The following MAGI2 variants were observed in gnomAD, a reference collection of about 807,000 sequenced individuals.
The protein encoded by MAGI2 is membrane-associated guanylate kinase, WW and PDZ domain-containing protein 2.
MAGI2 carries 35 observed loss-of-function variants against 133.3 expected under a neutral mutation model. That is an observed-to-expected ratio of 0.26 (90% confidence interval 0.20 to 0.35). The LOEUF (loss-of-function observed/expected upper bound fraction) is 0.35. Ranked by LOEUF, MAGI2 falls within the 10% of genes least tolerant of loss-of-function variation. The pLI is 1.00. For synonymous variants in MAGI2, 729 were observed against 710.6 expected (o/e 1.03, Z -0.41); for missense variants, 1,636 against 1,863.4 (o/e 0.88, Z 2.25).
At chr7:78,285,527 G>A (rs1295257310) in intron 9 of MAGI2, among the ~76,000 whole-genome samples, 1 of 152,206 alleles carries the variant, frequency 6.6e-6, no homozygotes, top group East Asian at 1.9e-4. Context: ...AACCCTCACA[G>A]GAATCCTATG....
chr7:78,527,279 A>G (rs530061298), intron 3 of MAGI2, among the ~76,000 whole-genome samples: 1 of 152,266 alleles, frequency 6.6e-6, no homozygotes, highest in African/African-American at 2.4e-5. Context: ...AAGCAGTGAG[A>G]ATAGCTTTCT....
intron 6 of MAGI2, among the ~76,000 whole-genome samples, chr7:78,405,743 T>G (rs978258533): frequency 6.6e-6 from 1 of 152,082 alleles, no homozygotes; most frequent in Non-Finnish European, 1.5e-5. Flanking sequence ...CTCATATTTT[T>G]ACACATTTAA....
At chr7:78,342,509 C>T (rs149853373) in intron 9 of MAGI2, among the ~76,000 whole-genome samples, 5,594 of 152,226 alleles carry the variant, frequency 0.037, 158 homozygotes, top group South Asian at 0.13. Flanking sequence ...CACATGCACA[C>T]GTATGTTTAC....
chr7:78,343,472 G>A (rs117082009), intron 9 of MAGI2, among the ~76,000 whole-genome samples: 113 of 152,210 alleles, frequency 7.4e-4, no homozygotes, highest in Non-Finnish European at 1.0e-3. Context: ...AGTGTGAAAT[G>A]TTAATCACAC....
intron 1 of MAGI2, among the ~76,000 whole-genome samples, chr7:79,379,118 C>G (rs1247758665): frequency 3.0e-5 from 4 of 133,578 alleles, no homozygotes; most frequent in African/African-American, 8.7e-5. Context: ...TCCTCCCCCC[C>G]ACCCCACAAT....
chr7:78,982,099 C>T (rs550684920), intron 2 of MAGI2, among the ~76,000 whole-genome samples: 86 of 151,986 alleles, frequency 5.7e-4, no homozygotes, highest in African/African-American at 1.9e-3. Flanking sequence ...GGCTTTAATT[C>T]AGATCCCATA....
At chr7:79,370,489 C>T (rs1161189247) in intron 1 of MAGI2, among the ~76,000 whole-genome samples, 7 of 151,956 alleles carry the variant, frequency 4.6e-5, no homozygotes, top group African/African-American at 1.7e-4. Flanking sequence ...ACACTCATAT[C>T]AATAGGGCTA....
intron 6 of MAGI2, 116 bp downstream of exon 6, chr7:78,489,645 A>G: frequency 1.3e-6 from 1 of 781,494 alleles, no homozygotes; most frequent in South Asian, 1.6e-5. Context: ...ATTAAACATT[A>G]CATCGTTAAA....
chr7:78,083,432 C>T (rs62461182), intron 20 of MAGI2, among the ~76,000 whole-genome samples: 17 of 73,970 alleles, frequency 2.3e-4, no homozygotes, highest in Admixed American at 1.3e-3. Flanking sequence ...GAGAGAGAGA[C>T]AGAGAGAGAG....
chr7:78,281,292 T>TGAATTGCAATCTCC (rs1554321576), intron 9 of MAGI2, among the ~76,000 whole-genome samples: 1 of 152,160 alleles, frequency 6.6e-6, no homozygotes, highest in African/African-American at 2.4e-5. Context: ...AATCTCATCT[T>TGAATTGCAATCTCC]GAATTGTAAT....
intron 2 of MAGI2, among the ~76,000 whole-genome samples, chr7:78,651,566 A>G (rs927597081): frequency 6.6e-6 from 1 of 152,106 alleles, no homozygotes; most frequent in African/African-American, 2.4e-5. Context: ...CCCAGAAAAT[A>G]ACTTCCAATA....
intron 13 of MAGI2, chr7:78,185,399 T>G: frequency 2.7e-6 from 1 of 374,342 alleles, no homozygotes; most frequent in Non-Finnish European, 4.8e-6. Context: ...TACTAGAGTA[T>G]TTTATGAAAG....
intron 1 of MAGI2, among the ~76,000 whole-genome samples, chr7:79,323,688 A>G (rs767063574): frequency 1.3e-5 from 2 of 152,198 alleles, no homozygotes; most frequent in Non-Finnish European, 2.9e-5. Flanking sequence ...AAACTCACGT[A>G]AGCTAGGGTA....
intron 1 of MAGI2, among the ~76,000 whole-genome samples, chr7:79,349,898 C>T (rs1306230626): frequency 6.6e-6 from 1 of 152,042 alleles, no homozygotes; most frequent in Non-Finnish European, 1.5e-5. Context: ...TCTCTTTCCT[C>T]ATCTGTGAAA....
At chr7:78,271,684 A>T (rs905726447) in intron 9 of MAGI2, among the ~76,000 whole-genome samples, 1 of 152,050 alleles carries the variant, frequency 6.6e-6, no homozygotes, top group Non-Finnish European at 1.5e-5. Flanking sequence ...TAGTCTTAGG[A>T]TGGTGTATGT....
At chr7:78,817,451 G>A (rs999215889) in intron 2 of MAGI2, among the ~76,000 whole-genome samples, 1 of 151,716 alleles carries the variant, frequency 6.6e-6, no homozygotes, top group African/African-American at 2.4e-5. Context: ...AATCTGTTGT[G>A]AAAGAAAGAG....
At chr7:78,988,886 C>T (rs570496071) in intron 2 of MAGI2, among the ~76,000 whole-genome samples, 1 of 152,030 alleles carries the variant, frequency 6.6e-6, no homozygotes, top group South Asian at 2.1e-4. Flanking sequence ...AGATAAAAGG[C>T]CAAGATAGAC....
intron 2 of MAGI2, among the ~76,000 whole-genome samples, chr7:78,861,213 C>A (rs1349980648): frequency 6.6e-6 from 1 of 152,190 alleles, no homozygotes; most frequent in Non-Finnish European, 1.5e-5. Context: ...ATGCCCCGCC[C>A]TGCTCTGTGG....
At chr7:79,445,464 T>A (rs1303527132) in intron 1 of MAGI2, among the ~76,000 whole-genome samples, 1 of 151,860 alleles carries the variant, frequency 6.6e-6, no homozygotes, top group Non-Finnish European at 1.5e-5. Context: ...CAAACAAATT[T>A]ACAAGAAAAA....
Sources: gnomAD v4.1 joint callset for allele counts (sites outside exome capture counted in the v4.1 genomes callset) on GRCh38, gnomAD v4.1.1 for gene constraint, MANE v1.5 for transcripts, NCBI Gene and HGNC (gene_info 2026-07-23, HGNC 2026-07-21) for gene names.